SRI: variants seen among roughly 807,000 people sequenced by gnomAD.
SRI encodes the protein 22 kDa protein.
Under a neutral mutation model 33.3 loss-of-function variants are expected in SRI, and 30 were observed. The observed-to-expected ratio is 0.90, with a 90% CI of 0.67 to 1.22. SRI has a LOEUF of 1.22. Ranked by LOEUF, SRI falls within the 50% of genes most tolerant of loss-of-function variation. SRI has a pLI of 0.00. For synonymous variants in SRI, 75 were observed against 89.9 expected (o/e 0.83, Z 0.94); for missense variants, 243 against 250.8 (o/e 0.97, Z 0.21).
Position 88,206,423 on chromosome 7 carries a change from G to T in SRI, c.*55C>A. ...ATATTACCGAAGGCAAAGAGGACAA[G>T]CAAAGGAGAGCTCCAGTTGGAATGT... is the stretch of plus-strand genomic sequence containing the variant. On this transcript the variant is annotated 3_prime_UTR_variant, in exon 8 of 8. Transcript: ENST00000265729. 6.2e-7 allele frequency: 1 copy of T among 1,606,898 alleles called. No homozygotes were observed. The highest frequency in any genetic ancestry group is 8.5e-7 in the Non-Finnish European group (1 of 1,173,506).
chr7:88,223,755 G>GCCCA (rs1210745927), upstream of SRI, among the ~76,000 whole-genome samples: 1 of 152,132 alleles, frequency 6.6e-6, no homozygotes, highest in African/African-American at 2.4e-5. Flanking sequence ...GTCAGATTTG[G>GCCCA]CCTTTGGGCA....
At chr7:88,216,391 G>A (rs1851715320) in intron 3 of SRI, among the ~76,000 whole-genome samples, 1 of 152,098 alleles carries the variant, frequency 6.6e-6, no homozygotes, top group South Asian at 2.1e-4. Context: ...TAAGTAGAAA[G>A]GCCACTTCCC....
At chr7:88,220,052 T>TCGCCCTGTGCGCCAGGCCTCTC (rs1414948810), upstream of SRI, 206 of 1,516,554 alleles carry the variant, frequency 1.4e-4, no homozygotes, top group Admixed American at 1.8e-4. Flanking sequence ...GCAGCCGCCC[T>TCGCCCTGTGCGCCAGGCCTCTC]CGCCCTGTGC....
chr7:88,224,762 A>T (rs541942519), upstream of SRI, among the ~76,000 whole-genome samples: 9 of 152,324 alleles, frequency 5.9e-5, no homozygotes, highest in Admixed American at 5.2e-4. Flanking sequence ...TAGTGCTTGC[A>T]TGTAGAGTTT....
upstream of SRI, among the ~76,000 whole-genome samples, chr7:88,224,416 G>T (rs1344772939): frequency 6.6e-6 from 1 of 152,196 alleles, no homozygotes; most frequent in Non-Finnish European, 1.5e-5. Flanking sequence ...GTCTTCACTT[G>T]TTAGGAAGAA....
intron 2 of SRI, among the ~76,000 whole-genome samples, chr7:88,218,495 C>A (rs1851788586): frequency 6.6e-6 from 1 of 152,158 alleles, no homozygotes; most frequent in Non-Finnish European, 1.5e-5. Flanking sequence ...CAATCAAGTT[C>A]AACCCAAAGA....
upstream of SRI, chr7:88,220,045 G>A (rs1419576236): frequency 2.6e-6 from 4 of 1,523,038 alleles, no homozygotes; most frequent in Admixed American, 4.0e-5. Flanking sequence ...CTGCGCCGCA[G>A]CCGCCCTCGC....
chr7:88,222,483 C>G (rs1431407243), upstream of SRI, among the ~76,000 whole-genome samples: 6 of 151,166 alleles, frequency 4.0e-5, no homozygotes, highest in East Asian at 2.0e-4. Context: ...GCATAAATGT[C>G]TTCTTTTGAG....
chr7:88,216,801 G>A (rs369889064), intron 3 of SRI: 30 of 311,258 alleles, frequency 9.6e-5, no homozygotes, highest in African/African-American at 6.5e-4. Context: ...TAAAGACAAG[G>A]TCTTGCTCTG....
rs1851429487 is a variant in SRI, at chr7:88,205,907, A to G, written c.*571T>C. ...ACAAGATTTTTAAGGAGAGTTAACA[A>G]AGGTTTAAATAGATGACAAAAAGGG... On this transcript the variant is annotated 3_prime_UTR_variant, in exon 8 of 8. Transcript: ENST00000265729. 1 of 153,228 alleles carries G rather than the reference A, an allele frequency of 6.5e-6. No homozygotes were observed. The highest frequency in any genetic ancestry group is 1.5e-5 in the Non-Finnish European group (1 of 68,442). 9.5% of individuals were successfully genotyped at this position (153,228 alleles called of 1,614,324 possible).
chr7:88,219,831 C>A (rs1039857034), intron 1 of SRI, 145 bp downstream of exon 1: 2 of 1,004,234 alleles, frequency 2.0e-6, no homozygotes, highest in Middle Eastern at 3.2e-4. Context: ...TAGGGCGAGG[C>A]CGCGAGCGCA....
Position 88,206,441 on chromosome 7 carries a change from T to A in SRI, c.*37A>T. On this transcript the variant is annotated 3_prime_UTR_variant, in exon 8 of 8. Coordinates refer to ENST00000265729, the MANE Select transcript of SRI (RefSeq NM_003130.4). ...AGGACAAGCAAAGGAGAGCTCCAGT[T>A]GGAATGTTGATTACATTCATGCAGC... The A allele has an allele frequency of 6.2e-7, 1 of 1,612,288 alleles. No homozygotes were observed. Among genetic ancestry groups the A allele is most frequent in the East Asian group, 2.2e-5 (1 of 44,828 alleles).
chr7:88,216,158 T>G (rs958179826), intron 3 of SRI, among the ~76,000 whole-genome samples: 1 of 152,140 alleles, frequency 6.6e-6, no homozygotes, highest in African/African-American at 2.4e-5. Context: ...TTAAATTTTT[T>G]GCAGAGACAA....
At chr7:88,217,503 G>A (rs1851761598) in intron 2 of SRI, among the ~76,000 whole-genome samples, 1 of 152,012 alleles carries the variant, frequency 6.6e-6, no homozygotes, top group Non-Finnish European at 1.5e-5. Flanking sequence ...AGAGAGCAAG[G>A]TACAAAGCAG....
intron 4 of SRI, 62 bp from the exon 5 acceptor site, chr7:88,210,192 A>T: frequency 6.4e-7 from 1 of 1,570,090 alleles, no homozygotes; most frequent in South Asian, 1.1e-5. Flanking sequence ...TAAATGAAAG[A>T]TCAAGGATAA....
upstream of SRI, among the ~76,000 whole-genome samples, chr7:88,222,486 CT>C (rs1169297434): frequency 6.6e-6 from 1 of 151,208 alleles, no homozygotes; most frequent in Non-Finnish European, 1.5e-5. Context: ...TAAATGTCTT[CT>C]TTTGAGAAGT....
At chr7:88,208,373 T>C in intron 7 of SRI, 134 bp downstream of exon 7, 1 of 1,431,180 alleles carries the variant, frequency 7.0e-7, no homozygotes, top group South Asian at 1.6e-5. Flanking sequence ...GGATGATAAC[T>C]CTTTCTAACT....
At chr7:88,219,061 C>A (rs995562244) in intron 1 of SRI, 119 bp from the exon 2 acceptor site, 1 of 787,894 alleles carries the variant, frequency 1.3e-6, no homozygotes. Flanking sequence ...ACAAGGCTCA[C>A]CTCCCCACCA....
intron 7 of SRI, 111 bp from the exon 8 acceptor site, chr7:88,206,615 C>T: frequency 1.7e-6 from 2 of 1,160,778 alleles, no homozygotes; most frequent in Non-Finnish European, 2.6e-6. Context: ...AAAACAACCC[C>T]TACAACTTTC....
Sources: gnomAD v4.1 joint callset for allele counts (sites outside exome capture counted in the v4.1 genomes callset) on GRCh38, gnomAD v4.1.1 for gene constraint, MANE v1.5 for transcripts, NCBI Gene and HGNC (gene_info 2026-07-23, HGNC 2026-07-21) for gene names.